DNM2: variants seen among roughly 807,000 people sequenced by gnomAD.
DNM2 encodes the protein dynamin-2.
In DNM2, 15 loss-of-function variants were observed where a neutral mutation model predicts 99.0. That is an observed-to-expected ratio of 0.15 (90% confidence interval 0.10 to 0.23). DNM2 has a LOEUF of 0.23. Ranked by LOEUF, DNM2 falls within the 10% of genes least tolerant of loss-of-function variation. The pLI, the probability that DNM2 is intolerant of heterozygous loss-of-function variation, is 1.00. For synonymous variants in DNM2, 525 were observed against 481.2 expected, an observed-to-expected ratio of 1.09 and a Z score of -1.19; for missense variants, 742 against 1,189.4, an observed-to-expected ratio of 0.62 and a Z score of 5.53.
Position 10,831,469 on chromosome 19 carries a change from T to C in DNM2, c.*422T>C, listed in dbSNP as rs2073346633. ...CAGGCCTTGCTGGGGTGCAGGGGTA[T>C]ATCAACTTCCCATTAGCAGGAGCTC... On this transcript the variant is annotated 3_prime_UTR_variant, in exon 21 of 21. Transcript: ENST00000389253. This position sits in a 1 kb window ranked among gnomAD's most constrained non-coding sequence, Gnocchi z 4.3. 1.0e-6 allele frequency: 1 copy of C among 994,456 alleles called. No individual in the cohort carries two copies. The highest frequency in any genetic ancestry group is 1.2e-6 in the Non-Finnish European group (1 of 835,928). 61.6% of individuals were successfully genotyped at this position (994,456 alleles called of 1,614,324 possible). A position where few individuals can be genotyped will look rare whatever the true frequency, so the allele number is the denominator to read the frequency against.
intron 18 of DNM2, among the ~76,000 whole-genome samples, chr19:10,828,296 T>C (rs1339046385): frequency 7.5e-6 from 1 of 133,462 alleles, no homozygotes; most frequent in Non-Finnish European, 1.6e-5. Context: ...AATAAAGATA[T>C]AACAGGATTG....
intron 1 of DNM2, among the ~76,000 whole-genome samples, chr19:10,722,202 C>A (rs2068962405): frequency 6.6e-6 from 1 of 152,160 alleles, no homozygotes; most frequent in Non-Finnish European, 1.5e-5. Flanking sequence ...AAGCACCAGT[C>A]ACTGTCCCAT....
chr19:10,777,751 C>T (rs1185267164), intron 5 of DNM2, among the ~76,000 whole-genome samples: 6 of 152,046 alleles, frequency 3.9e-5, no homozygotes, highest in Non-Finnish European at 5.9e-5. Flanking sequence ...GGCACCACCA[C>T]GCCCAGCTAG....
At chr19:10,809,940 C>G (rs906946228) in intron 14 of DNM2, 3 of 152,478 alleles carry the variant, frequency 2.0e-5, no homozygotes, top group Admixed American at 6.5e-5. Context: ...GTGTTCCCCC[C>G]AGTCCCTTTG....
chr19:10,767,234 AT>A (rs953758216), intron 2 of DNM2, among the ~76,000 whole-genome samples: 1 of 151,236 alleles, frequency 6.6e-6, no homozygotes, highest in African/African-American at 2.4e-5. Flanking sequence ...AAAAAAAAAA[AT>A]CATCTCATCT....
intron 15 of DNM2, among the ~76,000 whole-genome samples, chr19:10,819,479 C>T (rs1384392384): frequency 5.1e-4 from 78 of 152,146 alleles, no homozygotes; most frequent in Admixed American, 5.1e-3. Context: ...TCGTGCAAGG[C>T]GAGGGGCAGT....
chr19:10,736,813 C>T (rs2069545985), intron 1 of DNM2, among the ~76,000 whole-genome samples: 1 of 152,156 alleles, frequency 6.6e-6, no homozygotes, highest in Non-Finnish European at 1.5e-5. Context: ...TCCTCACCCC[C>T]AGGCTGTTCT....
chr19:10,819,152 C>T (rs545903974), intron 15 of DNM2, among the ~76,000 whole-genome samples: 8 of 152,224 alleles, frequency 5.3e-5, no homozygotes, highest in East Asian at 3.9e-4. Context: ...AGGGCAGGTG[C>T]GGTGGTGCAC....
intron 1 of DNM2, 44 bp from the exon 2 acceptor site, chr19:10,759,694 A>T: frequency 6.2e-7 from 1 of 1,612,876 alleles, no homozygotes; most frequent in African/African-American, 1.3e-5. Context: ...CTGCCCCTCG[A>T]TCCGGACGCA....
At chr19:10,798,455 G>A (rs767092333) in intron 10 of DNM2, 31 bp from the exon 11 acceptor site, 15 of 1,611,760 alleles carry the variant, frequency 9.3e-6, no homozygotes, top group South Asian at 6.6e-5. Flanking sequence ...CGAGGACCCC[G>A]CCAATGCGAC....
In DNM2 at chr19:10,830,587, G is replaced by C; in HGVS notation, c.2543+209G>C. 1.5e-6 allele frequency: 1 copy of C among 660,308 alleles called. No individual in the cohort carries two copies. Among genetic ancestry groups the C allele is most frequent in the Non-Finnish European group, 2.5e-6 (1 of 393,748 alleles). 40.9% of individuals were successfully genotyped at this position (660,308 alleles called of 1,614,324 possible). On this transcript the variant is annotated intron_variant, in intron 20 of 20. Transcript: ENST00000389253. The surrounding 1 kb of genome is among the most constrained non-coding windows in gnomAD (Gnocchi z 4.8). ...AGAGTAGCGGAGCCCTGGTGACTCC[G>C]GGGCTCCCAGCTTGCCCTCTGCCTA...
chr19:10,796,149 G>A lies in DNM2; in HGVS notation c.1196+710G>A, dbSNP rs140208362. The A allele has an allele frequency of 5.4e-5, 87 of 1,613,998 alleles. No homozygotes were observed. The highest frequency in any genetic ancestry group is 1.3e-4 in the Admixed American group (8 of 59,992). On this transcript the variant is annotated intron_variant, in intron 9 of 20. Coordinates refer to ENST00000389253, the MANE Select transcript of DNM2 (RefSeq NM_001005361.3). The surrounding 1 kb of genome is among the most constrained non-coding windows in gnomAD (Gnocchi z 5.6). Reference sequence around the variant, plus strand: ...GAAAGAGCCCTGTCTGAAATGTGTCGACCTGGTTATCCAGGAGCTAATCAA... The same window carrying A: ...GAAAGAGCCCTGTCTGAAATGTGTCAACCTGGTTATCCAGGAGCTAATCAA...
At chr19:10,759,490 G>A (rs2070543079) in intron 1 of DNM2, 2 of 578,502 alleles carry the variant, frequency 3.5e-6, no homozygotes, top group Admixed American at 3.0e-5. Flanking sequence ...TGGGAGTACG[G>A]GGGGTGGGGC....
At chr19:10,788,995 A>G (rs1342381040) in intron 7 of DNM2, among the ~76,000 whole-genome samples, 1 of 152,212 alleles carries the variant, frequency 6.6e-6, no homozygotes, top group African/African-American at 2.4e-5. Flanking sequence ...CTACGTTACA[A>G]AACACTTTCT....
chr19:10,726,188 C>T (rs1371589645), intron 1 of DNM2, among the ~76,000 whole-genome samples: 1 of 150,256 alleles, frequency 6.7e-6, no homozygotes, highest in Non-Finnish European at 1.5e-5. Context: ...CACTGCACTC[C>T]AGCCTGGGCG....
chr19:10,721,181 G>A (rs2068927356), intron 1 of DNM2, among the ~76,000 whole-genome samples: 1 of 151,654 alleles, frequency 6.6e-6, no homozygotes. Context: ...TTTTTACACC[G>A]AGTCTCACTC....
chr19:10,731,022 C>T (rs1431040346), intron 1 of DNM2, among the ~76,000 whole-genome samples: 4 of 152,150 alleles, frequency 2.6e-5, no homozygotes. Flanking sequence ...TGGAGCCTGC[C>T]CTGTGACACA....
At chr19:10,808,182 C>T (rs1240852610) in intron 13 of DNM2, among the ~76,000 whole-genome samples, 1 of 151,812 alleles carries the variant, frequency 6.6e-6, no homozygotes, top group Non-Finnish European at 1.5e-5. Context: ...AAACCATAAT[C>T]TTCGCAAAAT....
chr19:10,782,208 T>A (rs2071401032), intron 5 of DNM2, among the ~76,000 whole-genome samples: 1 of 151,934 alleles, frequency 6.6e-6, no homozygotes, highest in Admixed American at 6.6e-5. Context: ...AATTTTTGTA[T>A]ATTTTTGTAG....
Sources: gnomAD v4.1 joint callset for allele counts (sites outside exome capture counted in the v4.1 genomes callset) on GRCh38, gnomAD v4.1.1 for gene constraint, Gnocchi (gnomAD v3.1) non-coding constraint, MANE v1.5 for transcripts, NCBI Gene and HGNC (gene_info 2026-07-23, HGNC 2026-07-21) for gene names.